The following PLCG2 variants were observed in gnomAD, a reference collection of about 807,000 sequenced individuals.
PLCG2 encodes phospholipase C gamma 2, also known as 1-phosphatidylinositol 4,5-bisphosphate phosphodiesterase gamma-2.
In PLCG2, 69 loss-of-function variants were observed where a neutral mutation model predicts 175.6. That is an observed-to-expected ratio of 0.39 (90% CI 0.32 to 0.48). The LOEUF is 0.48. Among genes scored for constraint, PLCG2 ranks in the 20% least tolerant of loss-of-function variants. PLCG2 has a pLI of 0.91. For missense variants in PLCG2, 1,798 were observed against 1,650.9 expected, an observed-to-expected ratio of 1.09 and a Z score of -1.54; for synonymous variants, 827 against 624.0, an observed-to-expected ratio of 1.33 and a Z score of -4.85.
At chr16:81,934,817 C>A (rs1215853506) in intron 26 of PLCG2, among the ~76,000 whole-genome samples, 3 of 152,046 alleles carry the variant, frequency 2.0e-5, no homozygotes, top group Non-Finnish European at 4.4e-5. Flanking sequence ...GGAGGCCTCA[C>A]AATTATGGCA....
At chr16:81,876,848 G>A (rs530768201) in intron 7 of PLCG2, among the ~76,000 whole-genome samples, 2 of 152,278 alleles carry the variant, frequency 1.3e-5, no homozygotes, top group South Asian at 2.1e-4. Flanking sequence ...CTGCCTCCAC[G>A]GTGCACCCGT....
At position 81,958,382 on chromosome 16, in the gene PLCG2, C is replaced by T; in HGVS notation, c.*384C>T. The T allele has an allele frequency of 3.8e-6, 1 of 261,732 alleles. No homozygotes were observed. The highest frequency in any genetic ancestry group is 1.3e-4 in the South Asian group (1 of 7,836). 16.2% of individuals were successfully genotyped at this position (261,732 alleles called of 1,614,324 possible). The stretch of plus-strand genomic sequence containing the variant: ...ATTCTACCTCTAATGATCCAGGTAA[C>T]TGATGTCCATGGAGGATGAGCTGGA... On this transcript the variant is annotated 3_prime_UTR_variant, in exon 33 of 33. Transcript: ENST00000564138.
rs1475110252 is a variant in PLCG2, at chr16:81,937,918, CCCTT to C, written c.3198+19_3198+22del. The C allele has an allele frequency of 1.2e-6, 2 of 1,613,216 alleles. No homozygotes were observed. ...TGACAGTCAAGGTAAAGCCAGCCCT[CCCTT>C]CCTGCCAGGGGAGCCAGCCGCCCTC... On this transcript the variant is annotated intron_variant, in intron 28 of 32. Coordinates refer to ENST00000564138, the MANE Select transcript of PLCG2 (RefSeq NM_002661.5).
intron 7 of PLCG2, among the ~76,000 whole-genome samples, chr16:81,872,929 G>C (rs1347107485): frequency 6.6e-6 from 1 of 152,256 alleles, no homozygotes; most frequent in Non-Finnish European, 1.5e-5. Context: ...TGGCCACACA[G>C]TGAGGCCACC....
intron 2 of PLCG2, among the ~76,000 whole-genome samples, chr16:81,815,889 C>T (rs774679740): frequency 3.4e-5 from 5 of 146,956 alleles, no homozygotes; most frequent in South Asian, 2.2e-4. Context: ...TGTGAAACCC[C>T]GTTTTTTACT....
At chr16:81,872,494 A>G (rs771478075) in intron 7 of PLCG2, among the ~76,000 whole-genome samples, 4 of 152,210 alleles carry the variant, frequency 2.6e-5, no homozygotes, top group Admixed American at 6.5e-5. Flanking sequence ...TTCTTTGCAC[A>G]GCTCATTTTC....
chr16:81,830,433 A>C (rs1449738998), intron 2 of PLCG2, among the ~76,000 whole-genome samples: 1 of 151,990 alleles, frequency 6.6e-6, no homozygotes, highest in Non-Finnish European at 1.5e-5. Flanking sequence ...CAGCCTTCCA[A>C]GTAGCTGGGA....
intron 2 of PLCG2, among the ~76,000 whole-genome samples, chr16:81,813,509 C>A (rs550559884): frequency 6.6e-6 from 1 of 152,250 alleles, no homozygotes; most frequent in South Asian, 2.1e-4. Flanking sequence ...GATTTTTGCA[C>A]ATTGATTTTG....
chr16:81,855,842 G>A (rs1187917119), intron 3 of PLCG2, among the ~76,000 whole-genome samples: 2 of 152,152 alleles, frequency 1.3e-5, no homozygotes, highest in East Asian at 1.9e-4. Flanking sequence ...ATAGCATGTC[G>A]GATGTAGGAA....
At position 81,962,350 on chromosome 16, in the gene PLCG2, T is replaced by G. The variant is rs1348909715; in HGVS notation, c.*4352T>G. 1 of 207,154 alleles carries G rather than the reference T, an allele frequency of 4.8e-6. No homozygotes were observed. Among genetic ancestry groups the G allele is most frequent in the African/African-American group, 2.3e-5 (1 of 43,966 alleles). 12.8% of individuals were successfully genotyped at this position (207,154 alleles called of 1,614,324 possible). A position where few individuals can be genotyped will look rare whatever the true frequency, so the allele number is the denominator to read the frequency against. The stretch of plus-strand genomic sequence containing the variant: ...CCAACAAAAAGTTAATAATTAGATT[T>G]GGAATTATACAGAATTAGAAAATTG... On this transcript the variant is annotated 3_prime_UTR_variant, in exon 33 of 33. Coordinates refer to ENST00000564138, the MANE Select transcript of PLCG2 (RefSeq NM_002661.5).
chr16:81,905,388 A>T lies in PLCG2; in HGVS notation c.1363-15A>T, dbSNP rs745431430. On this transcript the variant is annotated splice_polypyrimidine_tract_variant and intron_variant, in intron 14 of 32. Coordinates refer to ENST00000564138, the MANE Select transcript of PLCG2 (RefSeq NM_002661.5). The stretch of plus-strand genomic sequence containing the variant: ...GTCTCCATGGAGACAGCCTATGTAT[A>T]TGTTTTCCCCTCAGCATAAGAAGCT... The T allele has an allele frequency of 6.3e-7, 1 of 1,594,568 alleles. No individual in the cohort carries two copies. Among genetic ancestry groups the T allele is most frequent in the African/African-American group, 1.3e-5 (1 of 74,702 alleles).
At chr16:81,862,958 T>A (rs999104745) in intron 5 of PLCG2, among the ~76,000 whole-genome samples, 1 of 152,140 alleles carries the variant, frequency 6.6e-6, no homozygotes, top group Non-Finnish European at 1.5e-5. Context: ...TGCAGAAATC[T>A]TCCCTTCCCC....
intron 2 of PLCG2, chr16:81,766,878 A>C (rs1222652128): frequency 6.6e-6 from 1 of 152,132 alleles, no homozygotes; most frequent in African/African-American, 2.4e-5. Context: ...CCACCTCCCT[A>C]CAGCCCACAG....
upstream of PLCG2, among the ~76,000 whole-genome samples, chr16:81,778,077 C>CAAAAAAAAAT (rs761945210): frequency 3.2e-4 from 30 of 94,286 alleles, 3 homozygotes; most frequent in African/African-American, 1.0e-3. Flanking sequence ...AAAACACACA[C>CAAAAAAAAAT]ACACAAAAAA....
chr16:81,947,814 T>C (rs1911208600), intron 31 of PLCG2, among the ~76,000 whole-genome samples: 1 of 152,234 alleles, frequency 6.6e-6, no homozygotes, highest in South Asian at 2.1e-4. Flanking sequence ...CTACTGTATT[T>C]TATTTAAGAT....
intron 25 of PLCG2, among the ~76,000 whole-genome samples, chr16:81,932,955 G>C (rs970752906): frequency 6.6e-6 from 1 of 152,224 alleles, no homozygotes; most frequent in South Asian, 2.1e-4. Context: ...TGAGGCACAG[G>C]GAGGTGCCAC....
At chr16:81,831,202 G>T (rs1287310661) in intron 2 of PLCG2, among the ~76,000 whole-genome samples, 1 of 152,090 alleles carries the variant, frequency 6.6e-6, no homozygotes, top group East Asian at 1.9e-4. Context: ...AATAAATATT[G>T]ACTTGTCTCT....
intron 2 of PLCG2, among the ~76,000 whole-genome samples, chr16:81,798,063 T>G (rs1911552859): frequency 6.6e-6 from 1 of 152,100 alleles, no homozygotes; most frequent in African/African-American, 2.4e-5. Context: ...ACTTCTGACC[T>G]CAAGTGATCT....
rs1369745419 is a variant in PLCG2 at position 81,910,522 on chromosome 16, G to T, written c.1736G>T (p.Arg579Leu). 6.2e-7 allele frequency: 1 copy of T among 1,613,756 alleles called. No homozygotes were observed. The highest frequency in any genetic ancestry group is 8.5e-7 in the Non-Finnish European group (1 of 1,179,928). ...CTGATGGCGTCCTCTCCCCGCAGGC[G>T]GTCAGGCCGGGTCCAGCACTGCCGG... ...FPNDYTLSFW[R>L]SGRVQHCRIR... The change falls in exon 18 of 33, where the codon CGG becomes CTG. Residue 579 changes from arginine to leucine, a missense_variant and splice_region_variant. Transcript: ENST00000564138.
Sources: gnomAD v4.1 joint callset for allele counts (sites outside exome capture counted in the v4.1 genomes callset) on GRCh38, gnomAD v4.1.1 for gene constraint, MANE v1.5 for transcripts, NCBI Gene and HGNC (gene_info 2026-07-23, HGNC 2026-07-21) for gene names.